STEAP1: variants seen among roughly 807,000 people sequenced by gnomAD.
STEAP1 encodes the protein STEAP family member 1.
In STEAP1, 30 loss-of-function variants were observed where a neutral mutation model predicts 34.4. The observed-to-expected ratio is 0.87, with a 90% CI of 0.65 to 1.18. The LOEUF (loss-of-function observed/expected upper bound fraction) is 1.18, where lower values mean the gene tolerates loss of function less well. Ranked by LOEUF, STEAP1 falls within the 50% of genes most tolerant of loss-of-function variation. The pLI, the probability that STEAP1 is intolerant of heterozygous loss-of-function variation, is 0.00. For synonymous variants in STEAP1, 116 were observed against 135.3 expected (o/e 0.86, Z 0.99); for missense variants, 318 against 391.1 (o/e 0.81, Z 1.58).
intron 2 of STEAP1, among the ~76,000 whole-genome samples, chr7:90,160,416 C>T (rs1423146857): frequency 3.4e-5 from 5 of 149,068 alleles, no homozygotes; most frequent in African/African-American, 1.2e-4. Context: ...GAAAAAGTGG[C>T]AGAAATTTTG....
intron 1 of STEAP1, among the ~76,000 whole-genome samples, chr7:90,157,168 C>T (rs1794127916): frequency 6.6e-6 from 1 of 152,026 alleles, no homozygotes; most frequent in African/African-American, 2.4e-5. Context: ...CCAAATCACA[C>T]TAACTTAAAC....
chr7:90,154,762 G>C (rs1179819199), intron 1 of STEAP1, among the ~76,000 whole-genome samples: 1 of 152,196 alleles, frequency 6.6e-6, no homozygotes, highest in East Asian at 1.9e-4. Context: ...GGTTGTGGCC[G>C]GGCCGGGGGT....
chr7:90,162,537 C>T (rs1794200832), intron 4 of STEAP1, among the ~76,000 whole-genome samples: 1 of 152,028 alleles, frequency 6.6e-6, no homozygotes, highest in Non-Finnish European at 1.5e-5. Context: ...CCATGTTGGC[C>T]AGGCTGGTCT....
intron 1 of STEAP1, among the ~76,000 whole-genome samples, chr7:90,158,124 G>A (rs1794137531): frequency 6.6e-6 from 1 of 152,180 alleles, no homozygotes; most frequent in African/African-American, 2.4e-5. Context: ...ATTTGTACAG[G>A]ACGCTTACTA....
intron 1 of STEAP1, among the ~76,000 whole-genome samples, chr7:90,156,332 A>AC (rs1794118785): frequency 1.3e-5 from 2 of 152,098 alleles, no homozygotes; most frequent in Admixed American, 6.5e-5. Context: ...TTGAAATGTA[A>AC]CCCCCAGTGA....
chr7:90,160,752 G>A, intron 2 of STEAP1, 53 bp from the exon 3 acceptor site: 1 of 1,565,238 alleles, frequency 6.4e-7, no homozygotes, highest in Non-Finnish European at 8.6e-7. Flanking sequence ...TAGTTCAAGA[G>A]ATATCCCATT....
chr7:90,159,492 C>A (rs39283), intron 1 of STEAP1, among the ~76,000 whole-genome samples: 67,351 of 152,006 alleles, frequency 0.44, 15,882 homozygotes, highest in Non-Finnish European at 0.53. Context: ...CAACATCTGA[C>A]CCTTTGTAAT....
intron 3 of STEAP1, 41 bp from the exon 4 acceptor site, chr7:90,161,872 CT>C (rs1794191023): frequency 1.3e-6 from 2 of 1,567,590 alleles, no homozygotes; most frequent in African/African-American, 2.7e-5. Context: ...CAGGAAATAA[CT>C]GTTGTTTGCA....
intron 1 of STEAP1, among the ~76,000 whole-genome samples, chr7:90,155,808 C>T (rs912742443): frequency 1.3e-5 from 2 of 152,142 alleles, no homozygotes; most frequent in African/African-American, 4.8e-5. Context: ...GGTAACTCTC[C>T]AGGGCCACTC....
chr7:90,162,611 G>A lies in STEAP1; in HGVS notation c.762+533G>A, dbSNP rs557875498. 1.3e-3 allele frequency among the ~76,000 whole-genome samples: 195 copies of A among 152,194 alleles called. 1 individual carries two copies. The highest frequency in any genetic ancestry group is 6.8e-3 in the Middle Eastern group (2 of 294). ...CCCAAAGTGCTGGGATGACAGTTGT[G>A]AGCCACCACACTCAGCCTGCTCTTT... On this transcript the variant is annotated intron_variant, in intron 4 of 4. Transcript: ENST00000297205.
At position 90,163,727 on chromosome 7, in the gene STEAP1, G is replaced by A. The variant is rs190810585; in HGVS notation, c.763-750G>A. Among the ~76,000 whole-genome samples the A allele has an allele frequency of 7.4e-4, 113 of 152,288 alleles. 2 individuals are homozygous for A. The highest frequency in any genetic ancestry group is 9.4e-4 in the Non-Finnish European group (64 of 68,026). On this transcript the variant is annotated intron_variant, in intron 4 of 4. Transcript: ENST00000297205. ...ATAAAAGAGGTGTTGTCAGAACACC[G>A]TTGAGATTACATAGGTGAACAACTA...
intron 4 of STEAP1, among the ~76,000 whole-genome samples, chr7:90,162,652 T>A (rs1468163181): frequency 6.6e-6 from 1 of 152,126 alleles, no homozygotes; most frequent in Non-Finnish European, 1.5e-5. Context: ...ATTTGAAACT[T>A]GTTAGACAAT....
In STEAP1 at chr7:90,160,894, T is replaced by G. The variant is rs967102323; in HGVS notation, c.174T>G (p.Pro58=). Residue 58 remains proline, a synonymous_variant, in exon 3 of 5, where the codon CCT becomes CCG. Transcript: ENST00000297205. ...QTAHADEFDC[P]SELQHTQELF... ...CCCATGCTGATGAATTTGACTGCCC[T>G]TCAGAACTTCAGCACACACAGGAAC... The G allele has an allele frequency of 5.0e-6, 8 of 1,613,916 alleles. No individual in the cohort carries two copies. The highest frequency in any genetic ancestry group is 6.8e-6 in the Non-Finnish European group (8 of 1,179,876).
chr7:90,154,875 T>C (rs1276865421), intron 1 of STEAP1, among the ~76,000 whole-genome samples: 2 of 152,204 alleles, frequency 1.3e-5, no homozygotes, highest in African/African-American at 2.4e-5. Flanking sequence ...GCAAGTTTTT[T>C]AACGTGGCAA....
chr7:90,162,646 G>A (rs929757951), intron 4 of STEAP1, among the ~76,000 whole-genome samples: 1 of 151,968 alleles, frequency 6.6e-6, no homozygotes, highest in Non-Finnish European at 1.5e-5. Context: ...TCTAATATTT[G>A]AAACTTGTTA....
Position 90,161,974 on chromosome 7 carries a change from G to A in STEAP1, c.658G>A (p.Val220Met), listed in dbSNP as rs746066238. 8 of 1,613,768 alleles carry A rather than the reference G, an allele frequency of 5.0e-6. No homozygotes were observed. The African/African-American group carries it at 1.1e-4, about 22-fold the overall frequency. ...EHDVWRMEIY[V>M]SLGIVGLAIL... ...TGATGTTTGGAGAATGGAGATTTAT[G>A]TGTCTCTGGGAATTGTGGGATTGGC... Residue 220 changes from valine to methionine, a missense_variant, in exon 4 of 5, where the codon GTG (valine) becomes ATG (methionine). Transcript: ENST00000297205.
At position 90,164,802 on chromosome 7, in the gene STEAP1, T is replaced by G. The variant is rs919975536; in HGVS notation, c.*68T>G. 13 of 1,410,252 alleles carry G rather than the reference T, an allele frequency of 9.2e-6. No homozygotes were observed. Among genetic ancestry groups the G allele is most frequent in the Non-Finnish European group, 1.9e-6 (2 of 1,059,484 alleles). The allele number at this position is 1,410,252 out of a possible 1,614,324, so 87.4% of individuals were successfully genotyped here. ...TATCACCAACATTTCAAGTTTGTAT[T>G]TGTTAATAAAATGATTATTCAAGGA... is the stretch of plus-strand genomic sequence containing the variant. On this transcript the variant is annotated 3_prime_UTR_variant, in exon 5 of 5. Transcript: ENST00000297205.
intron 4 of STEAP1, chr7:90,162,341 T>G (rs898479312): frequency 4.2e-6 from 2 of 477,536 alleles, no homozygotes; most frequent in African/African-American, 4.1e-5. Context: ...GTTTGTTTGT[T>G]TTTTTGAGAT....
chr7:90,158,308 A>G (rs1381422940), intron 1 of STEAP1, among the ~76,000 whole-genome samples: 3 of 152,188 alleles, frequency 2.0e-5, no homozygotes, highest in Admixed American at 6.5e-5. Flanking sequence ...AATTAACTTT[A>G]GCTTACTGTA....
Sources: gnomAD v4.1 joint callset for allele counts (sites outside exome capture counted in the v4.1 genomes callset) on GRCh38, gnomAD v4.1.1 for gene constraint, MANE v1.5 for transcripts, NCBI Gene and HGNC (gene_info 2026-07-23, HGNC 2026-07-21) for gene names.